The following ECE1 variants were observed in gnomAD, a reference collection of about 807,000 sequenced individuals.
ECE1 encodes endothelin-converting enzyme 1.
ECE1 carries 35 observed loss-of-function variants against 98.6 expected under a neutral mutation model. That is an observed-to-expected ratio of 0.35 (90% CI 0.27 to 0.47). The LOEUF (loss-of-function observed/expected upper bound fraction) is 0.47. ECE1 is among the 20% of genes least tolerant of loss of function. The probability of loss-of-function intolerance (pLI) is 1.00; values close to 1 mark genes in which losing one functional copy is unlikely to be tolerated. For missense variants in ECE1, 814 were observed against 1,025.3 expected (o/e 0.79, Z 2.81); for synonymous variants, 394 against 407.1 (o/e 0.97, Z 0.39).
intron 17 of ECE1, among the ~76,000 whole-genome samples, chr1:21,222,527 A>G (rs967225605): frequency 1.3e-5 from 2 of 152,094 alleles, no homozygotes; most frequent in African/African-American, 4.8e-5. Flanking sequence ...CAATGACTCA[A>G]TTCTGCTATT....
At chr1:21,333,850 C>G (rs546566726) in intron 1 of ECE1, among the ~76,000 whole-genome samples, 1 of 152,022 alleles carries the variant, frequency 6.6e-6, no homozygotes, top group Non-Finnish European at 1.5e-5. Context: ...AAAAAAATGA[C>G]GGAGCCACAA....
intron 14 of ECE1, among the ~76,000 whole-genome samples, chr1:21,232,870 G>T (rs35182659): frequency 0.027 from 4,156 of 152,064 alleles, 87 homozygotes; most frequent in Non-Finnish European, 0.034. Flanking sequence ...TAGAGACAGG[G>T]TTTTGCCATG....
chr1:21,255,894 G>T, intron 8 of ECE1, 53 bp downstream of exon 8: 1 of 1,593,306 alleles, frequency 6.3e-7, no homozygotes, highest in South Asian at 1.1e-5. Context: ...CCAGGGCCCT[G>T]TCTGAAACCT....
At chr1:21,290,981 A>G (rs1569676887), upstream of ECE1, among the ~76,000 whole-genome samples, 1 of 152,190 alleles carries the variant, frequency 6.6e-6, no homozygotes, top group Middle Eastern at 3.4e-3. This position sits in a 1 kb window ranked among gnomAD's most constrained non-coding sequence, Gnocchi z 7.3. Flanking sequence ...GTGCATTTGG[A>G]TGGCTGCAGG....
Position 21,322,501 on chromosome 1 carries a change from G to A in ECE1, c.3+22875C>T, listed in dbSNP as rs1455828728. On this transcript the variant is annotated intron_variant, in intron 1 of 18. Transcript: ENST00000415912. This position sits in a 1 kb window ranked among gnomAD's most constrained non-coding sequence, Gnocchi z 4.1. ...CTCACCTGGCCAGTGCAAGGCGCAG[G>A]CTGAGGCACAGGTTGGGGCTGTGCC... is the stretch of plus-strand genomic sequence containing the variant. 6.6e-6 allele frequency among the ~76,000 whole-genome samples: 1 copy of A among 152,220 alleles called. No individual in the cohort carries two copies. Among genetic ancestry groups the A allele is most frequent in the African/African-American group, 2.4e-5 (1 of 41,456 alleles).
intron 1 of ECE1, among the ~76,000 whole-genome samples, chr1:21,311,489 A>G (rs1468276461): frequency 7.6e-6 from 1 of 131,784 alleles, no homozygotes; most frequent in Non-Finnish European, 1.6e-5. Context: ...CCTGGGGAAC[A>G]TAGTGAGACC....
At position 21,258,599 on chromosome 1, in the gene ECE1, G is replaced by A. The variant is rs1039160436; in HGVS notation, c.762+94C>T. 1 of 1,327,336 alleles carries A rather than the reference G, an allele frequency of 7.5e-7. No individual in the cohort carries two copies. The highest frequency in any genetic ancestry group is 1.0e-6 in the Non-Finnish European group (1 of 952,822). The allele number at this position is 1,327,336 out of a possible 1,614,324, so 82.2% of individuals were successfully genotyped here. A position where few individuals can be genotyped will look rare whatever the true frequency, so the allele number is the denominator to read the frequency against. On this transcript the variant is annotated intron_variant, in intron 6 of 18. Coordinates refer to ENST00000374893, the MANE Select transcript of ECE1 (RefSeq NM_001397.3). The surrounding 1 kb of genome is among the most constrained non-coding windows in gnomAD (Gnocchi z 4.2). Reference sequence around the variant, plus strand: ...ACTAGAAGACCGCCGTCCCACCCAGGGCAAGCCCCTCTCCCACCCCAGGTC... The same window carrying A: ...ACTAGAAGACCGCCGTCCCACCCAGAGCAAGCCCCTCTCCCACCCCAGGTC...
At chr1:21,231,108 G>A (rs944006439) in intron 14 of ECE1, among the ~76,000 whole-genome samples, 4 of 152,250 alleles carry the variant, frequency 2.6e-5, no homozygotes, top group Non-Finnish European at 5.9e-5. Context: ...GATTACAGAC[G>A]TGAGCCACCG....
rs994019726 is a variant in ECE1 at position 21,260,054 on chromosome 1, C to T, written c.615+217G>A. On this transcript the variant is annotated intron_variant, in intron 5 of 18. Coordinates refer to ENST00000374893, the MANE Select transcript of ECE1 (RefSeq NM_001397.3). The surrounding 1 kb of genome is among the most constrained non-coding windows in gnomAD (Gnocchi z 4.3). ...ACAGATGCTGACACACACTCTCACA[C>T]AAACACATGCACAGACAACCCACCC... Among the ~76,000 whole-genome samples the T allele has an allele frequency of 6.6e-6, 1 of 152,272 alleles. No individual in the cohort carries two copies. Among genetic ancestry groups the T allele is most frequent in the South Asian group, 2.1e-4 (1 of 4,838 alleles).
chr1:21,310,049 C>T lies in ECE1; in HGVS notation c.4-19893G>A, dbSNP rs550707454. Among the ~76,000 whole-genome samples, 83 of 152,304 alleles carry T rather than the reference C, an allele frequency of 5.4e-4. 1 individual carries two copies. In the South Asian group the frequency reaches 0.013, roughly 23 times the overall value. ...TCGTGTCGTGATCCACCCGCCTCGG[C>T]CTCCCAAAGTGCTGGGATTACAGGC... is the stretch of plus-strand genomic sequence containing the variant. On this transcript the variant is annotated intron_variant, in intron 1 of 18. Coordinates refer to the ECE1 transcript ENST00000415912.
intron 4 of ECE1, among the ~76,000 whole-genome samples, chr1:21,261,069 C>T (rs1007892516): frequency 2.6e-5 from 4 of 152,196 alleles, no homozygotes; most frequent in African/African-American, 7.2e-5. Context: ...GGCAATGCTC[C>T]GGTGGGTGCA....
In ECE1 at chr1:21,258,506, T is replaced by C. The variant is rs2098222772; in HGVS notation, c.762+187A>G. Among the ~76,000 whole-genome samples the C allele has an allele frequency of 6.6e-6, 1 of 152,140 alleles. No individual in the cohort carries two copies. Among genetic ancestry groups the C allele is most frequent in the Non-Finnish European group, 1.5e-5 (1 of 68,024 alleles). On this transcript the variant is annotated intron_variant, in intron 6 of 18. Coordinates refer to ENST00000374893, the MANE Select transcript of ECE1 (RefSeq NM_001397.3). The surrounding 1 kb of genome is among the most constrained non-coding windows in gnomAD (Gnocchi z 4.2). Reference sequence around the variant, plus strand: ...AAGTTTCACCTGTATGCAGTGCCCATCTACGCAAGGCCAGCAGCCTGCAAA... The same window carrying C: ...AAGTTTCACCTGTATGCAGTGCCCACCTACGCAAGGCCAGCAGCCTGCAAA...
At chr1:21,294,632 T>G (rs998335511), upstream of ECE1, among the ~76,000 whole-genome samples, 1 of 152,196 alleles carries the variant, frequency 6.6e-6, no homozygotes, top group African/African-American at 2.4e-5. This position sits in a 1 kb window ranked among gnomAD's most constrained non-coding sequence, Gnocchi z 4.2. Context: ...ACGAGAAATA[T>G]AAACACGCAC....
In ECE1 at chr1:21,327,355, G is replaced by A. The variant is rs561673157; in HGVS notation, c.3+18021C>T. ...CTGTTTTCTCATTTGTCAAAGCGAC[G>A]GGCTGATCCCCTGCCCCACTCCAAT... On this transcript the variant is annotated intron_variant, in intron 1 of 18. Transcript: ENST00000415912. The surrounding 1 kb of genome is among the most constrained non-coding windows in gnomAD (Gnocchi z 4.6). 7.2e-4 allele frequency among the ~76,000 whole-genome samples: 109 copies of A among 152,198 alleles called. No individual in the cohort carries two copies. The highest frequency in any genetic ancestry group is 1.1e-3 in the Non-Finnish European group (78 of 67,998).
rs1233426677 is a variant in ECE1 at position 21,290,281 on chromosome 1, C to T, written c.51+83G>A. 6.2e-6 allele frequency: 8 copies of T among 1,293,298 alleles called. No individual in the cohort carries two copies. The Admixed American group carries it at 1.5e-4, about 24-fold the overall frequency. The allele number at this position is 1,293,298 out of a possible 1,614,324, so 80.1% of individuals were successfully genotyped here. ...CCGCCCCGGCCTGGACACCCGAGAC[C>T]GAGACCGGCCCACGGAGCGGCCCGC... On this transcript the variant is annotated intron_variant, in intron 1 of 18. Coordinates refer to ENST00000374893, the MANE Select transcript of ECE1 (RefSeq NM_001397.3). The surrounding 1 kb of genome is among the most constrained non-coding windows in gnomAD (Gnocchi z 7.3).
At chr1:21,342,981 C>T (rs981034244) in intron 1 of ECE1, among the ~76,000 whole-genome samples, 2 of 152,206 alleles carry the variant, frequency 1.3e-5, no homozygotes, top group Non-Finnish European at 2.9e-5. Context: ...CTGACCCTTT[C>T]ATAGCCAGGT....
rs140651228 is a variant in ECE1 at position 21,241,782 on chromosome 1, C to T, written c.1278+3207G>A. 2.7e-3 allele frequency among the ~76,000 whole-genome samples: 412 copies of T among 152,258 alleles called. 2 individuals are homozygous for T. The highest frequency in any genetic ancestry group is 9.6e-3 in the African/African-American group (398 of 41,538). On this transcript the variant is annotated intron_variant, in intron 10 of 18. Coordinates refer to ENST00000374893, the MANE Select transcript of ECE1 (RefSeq NM_001397.3). ...CCAATGTCTTCCTTCAAAGAGGCCACGCTCTCTGCCTACAGGTCACGAAGT... is the reference window on the plus strand; with the variant it reads ...CCAATGTCTTCCTTCAAAGAGGCCATGCTCTCTGCCTACAGGTCACGAAGT...
chr1:21,218,187 C>T lies in ECE1; in HGVS notation c.*1768G>A, dbSNP rs2098163122. ...GAGGAATCTTCCCCTCACAATGTCC[C>T]CTGGCTAAAAGCATCCATCTAGCTG... is the stretch of plus-strand genomic sequence containing the variant. On this transcript the variant is annotated 3_prime_UTR_variant, in exon 19 of 19. Coordinates refer to ENST00000374893, the MANE Select transcript of ECE1 (RefSeq NM_001397.3). The surrounding 1 kb of genome is among the most constrained non-coding windows in gnomAD (Gnocchi z 4.0). 6.6e-6 allele frequency: 1 copy of T among 152,284 alleles called. No individual in the cohort carries two copies. The highest frequency in any genetic ancestry group is 1.5e-5 in the Non-Finnish European group (1 of 68,096). 9.4% of individuals were successfully genotyped at this position (152,284 alleles called of 1,614,324 possible). A position where few individuals can be genotyped will look rare whatever the true frequency, so the allele number is the denominator to read the frequency against.
rs578067865 is a variant in ECE1, at chr1:21,322,554, G to A, written c.3+22822C>T. Reference sequence around the variant, plus strand: ...GCCCCCCACATGTGTCACACTCCAGGGCCCCAGGCCTGTGACCAAAATGGC... The same window carrying A: ...GCCCCCCACATGTGTCACACTCCAGAGCCCCAGGCCTGTGACCAAAATGGC... On this transcript the variant is annotated intron_variant, in intron 1 of 18. Coordinates refer to the ECE1 transcript ENST00000415912. This position sits in a 1 kb window ranked among gnomAD's most constrained non-coding sequence, Gnocchi z 4.1. Among the ~76,000 whole-genome samples, 305 of 152,344 alleles carry A rather than the reference G, an allele frequency of 2.0e-3. 1 individual carries two copies. Among genetic ancestry groups the A allele is most frequent in the Middle Eastern group, 0.017 (5 of 294 alleles).
Sources: gnomAD v4.1 joint callset for allele counts (sites outside exome capture counted in the v4.1 genomes callset) on GRCh38, gnomAD v4.1.1 for gene constraint, Gnocchi (gnomAD v3.1) non-coding constraint, MANE v1.5 for transcripts, NCBI Gene and HGNC (gene_info 2026-07-23, HGNC 2026-07-21) for gene names.